Variants in ERICH3 observed in about 807,000 individuals in gnomAD.
ERICH3 encodes glutamate-rich protein 3.
Under a neutral mutation model 131.1 loss-of-function variants are expected in ERICH3, and 126 were observed. The observed-to-expected ratio is 0.96, with a 90% confidence interval of 0.83 to 1.11. ERICH3 has a LOEUF of 1.11. Ranked by LOEUF, ERICH3 falls within the 50% of genes most tolerant of loss-of-function variation. The pLI is 0.00. For synonymous variants in ERICH3, 695 were observed against 644.6 expected, an observed-to-expected ratio of 1.08 and a Z score of -1.18; for missense variants, 2,050 against 1,810.7, an observed-to-expected ratio of 1.13 and a Z score of -2.40.
intron 3 of ERICH3, among the ~76,000 whole-genome samples, chr1:74,643,415 T>G (rs995286208): frequency 1.3e-5 from 2 of 152,150 alleles, no homozygotes; most frequent in Non-Finnish European, 2.9e-5. Flanking sequence ...AAAGATTTTT[T>G]TTCCTTTTTC....
At chr1:74,622,308 C>T (rs1649251058) in intron 7 of ERICH3, 1 of 152,072 alleles carries the variant, frequency 6.6e-6, no homozygotes, top group Admixed American at 6.5e-5. Context: ...GAAGAGCTCT[C>T]AAATAAAGAG....
chr1:74,612,322 A>C (rs1298920530), intron 9 of ERICH3, among the ~76,000 whole-genome samples: 1 of 152,196 alleles, frequency 6.6e-6, no homozygotes, highest in East Asian at 1.9e-4. Context: ...AAACAAAAAT[A>C]TCTCTCTCCT....
At chr1:74,658,125 C>A (rs1310199168) in intron 1 of ERICH3, among the ~76,000 whole-genome samples, 1 of 152,074 alleles carries the variant, frequency 6.6e-6, no homozygotes, top group Non-Finnish European at 1.5e-5. Context: ...ATAACTAGTC[C>A]ATAACTAGTT....
chr1:74,632,472 A>G (rs532245924), intron 6 of ERICH3, among the ~76,000 whole-genome samples: 1 of 152,160 alleles, frequency 6.6e-6, no homozygotes, highest in South Asian at 2.1e-4. Flanking sequence ...ATATCCTTTG[A>G]CCTAGAAATT....
chr1:74,642,132 T>G, intron 4 of ERICH3, among the ~76,000 whole-genome samples: 1 of 152,084 alleles, frequency 6.6e-6, no homozygotes, highest in Non-Finnish European at 1.5e-5. Context: ...ATTGGCAAAG[T>G]TGGATTAACC....
intron 1 of ERICH3, among the ~76,000 whole-genome samples, chr1:74,670,285 T>A (rs76467611): frequency 0.016 from 2,390 of 152,196 alleles, 32 homozygotes; most frequent in Middle Eastern, 0.044. Flanking sequence ...CAACACAAAT[T>A]TTTATATATT....
chr1:74,573,616 G>T, intron 13 of ERICH3, 125 bp from the exon 14 acceptor site: 1 of 1,138,574 alleles, frequency 8.8e-7, no homozygotes, highest in Non-Finnish European at 1.1e-6. Flanking sequence ...AGAGGCCATT[G>T]TATTATATAT....
intron 12 of ERICH3, chr1:74,577,600 G>A (rs905342062): frequency 1.3e-5 from 2 of 152,086 alleles, no homozygotes; most frequent in Non-Finnish European, 2.9e-5. Flanking sequence ...TTAAAAGGTA[G>A]CCTTGGTTTA....
chr1:74,630,718 G>A (rs1557691754), intron 7 of ERICH3, among the ~76,000 whole-genome samples: 1 of 152,082 alleles, frequency 6.6e-6, no homozygotes, highest in Non-Finnish European at 1.5e-5. Flanking sequence ...GAGAGACAGA[G>A]ATGAGTATTA....
chr1:74,647,423 C>G (rs1646495617), intron 2 of ERICH3, among the ~76,000 whole-genome samples: 1 of 151,994 alleles, frequency 6.6e-6, no homozygotes, highest in Non-Finnish European at 1.5e-5. Flanking sequence ...TTCCACTCTC[C>G]AGCCCAAAAT....
intron 5 of ERICH3, among the ~76,000 whole-genome samples, chr1:74,639,137 G>A (rs571310899): frequency 6.6e-6 from 1 of 152,156 alleles, no homozygotes; most frequent in South Asian, 2.1e-4. Context: ...TAGAACTGAG[G>A]TTTCTGAAAA....
chr1:74,572,833 C>T lies in ERICH3; in HGVS notation c.2877G>A (p.Met959Ile), dbSNP rs1238522144. 4.3e-6 allele frequency: 7 copies of T among 1,613,820 alleles called. No homozygotes were observed. In the South Asian group the frequency reaches 7.7e-5, roughly 18 times the overall value. ...ASIDLEDTGP[M>I]EDTASKREDG... Reference sequence around the variant, plus strand: ...CCTCTCTCTTTGATGCTGTGTCCTCCATGGGTCCTGTGTCCTCTAGGTCTA... The same window carrying T: ...CCTCTCTCTTTGATGCTGTGTCCTCTATGGGTCCTGTGTCCTCTAGGTCTA... The change falls in exon 14 of 15, where the codon ATG becomes ATA. Residue 959 changes from methionine to isoleucine, a missense_variant. Transcript: ENST00000326665.
chr1:74,573,689 T>C (rs939664953), intron 13 of ERICH3, among the ~76,000 whole-genome samples, 198 bp from the exon 14 acceptor site: 1 of 152,140 alleles, frequency 6.6e-6, no homozygotes, highest in African/African-American at 2.4e-5. Flanking sequence ...TTAATAATGG[T>C]TTTTCATTAT....
intron 6 of ERICH3, chr1:74,634,699 A>C (rs973183205): frequency 9.8e-6 from 7 of 710,804 alleles, no homozygotes; most frequent in Admixed American, 4.1e-5. Flanking sequence ...TCCAAGTACT[A>C]TCTAGGGGAG....
Position 74,602,996 on chromosome 1 carries a change from T to C in ERICH3, c.1490-3065A>G, listed in dbSNP as rs997092122. Reference sequence around the variant, plus strand: ...AAAGATTCACTTTAGTCAGTAATAATCAAACATGAAGTCTAGTGCTATAAC... The same window carrying C: ...AAAGATTCACTTTAGTCAGTAATAACCAAACATGAAGTCTAGTGCTATAAC... On this transcript the variant is annotated intron_variant, in intron 10 of 14. Transcript: ENST00000326665. Among the ~76,000 whole-genome samples the C allele has an allele frequency of 3.0e-4, 46 of 151,930 alleles. 2 individuals carry two copies. The highest frequency in any genetic ancestry group is 8.8e-5 in the Non-Finnish European group (6 of 67,906).
chr1:74,600,922 C>T (rs376215918), intron 10 of ERICH3, among the ~76,000 whole-genome samples: 5 of 151,258 alleles, frequency 3.3e-5, no homozygotes, highest in South Asian at 2.1e-4. Flanking sequence ...GGGGGCCTCT[C>T]GGGTAATTTA....
chr1:74,629,369 GT>G (rs893113572), intron 7 of ERICH3, among the ~76,000 whole-genome samples: 6 of 149,514 alleles, frequency 4.0e-5, no homozygotes, highest in Non-Finnish European at 8.9e-5. Context: ...AGAGAAAAAG[GT>G]TTTTTTTTTC....
At chr1:74,639,935 T>A (rs568165602) in intron 5 of ERICH3, among the ~76,000 whole-genome samples, 4 of 152,126 alleles carry the variant, frequency 2.6e-5, no homozygotes, top group Non-Finnish European at 5.9e-5. Flanking sequence ...TGGATTTCTG[T>A]AAAATGGGAC....
chr1:74,624,125 CT>C (rs1027884247), intron 7 of ERICH3: 4 of 152,152 alleles, frequency 2.6e-5, no homozygotes, highest in Admixed American at 6.6e-5. Flanking sequence ...ATATTCTGTC[CT>C]TTCCATATTC....
Sources: allele counts gnomAD v4.1 joint callset (sites outside exome capture counted in the v4.1 genomes callset), GRCh38; gene constraint gnomAD v4.1.1; transcripts MANE v1.5; gene names NCBI Gene and HGNC (gene_info 2026-07-23, HGNC 2026-07-21).